RABGAP1L: variants seen among roughly 807,000 people sequenced by gnomAD.
RABGAP1L encodes rab GTPase-activating protein 1-like.
RABGAP1L carries 63 observed loss-of-function variants against 137.7 expected under a neutral mutation model. That is an observed-to-expected ratio of 0.46 (90% confidence interval 0.37 to 0.56). The LOEUF (loss-of-function observed/expected upper bound fraction) is 0.56, where lower values mean the gene tolerates loss of function less well. Ranked by LOEUF, RABGAP1L falls within the 20% of genes least tolerant of loss-of-function variation. The pLI, the probability that RABGAP1L is intolerant of heterozygous loss-of-function variation, is 0.00. For synonymous variants in RABGAP1L, 431 were observed against 433.7 expected (o/e 0.99, Z 0.08); for missense variants, 1,095 against 1,244.0 (o/e 0.88, Z 1.80).
At chr1:174,434,764 T>C (rs1653061628) in intron 13 of RABGAP1L, among the ~76,000 whole-genome samples, 1 of 152,192 alleles carries the variant, frequency 6.6e-6, no homozygotes, top group Non-Finnish European at 1.5e-5. Flanking sequence ...ATTTTCTTAA[T>C]GGTTATTTGT....
chr1:174,485,014 T>G (rs1040425409), intron 13 of RABGAP1L, among the ~76,000 whole-genome samples: 5 of 152,230 alleles, frequency 3.3e-5, no homozygotes, highest in Non-Finnish European at 7.3e-5. Flanking sequence ...TGTGTGTGTG[T>G]GTGCTCTTTA....
At chr1:174,458,457 C>T (rs895949923) in intron 13 of RABGAP1L, among the ~76,000 whole-genome samples, 3 of 151,872 alleles carry the variant, frequency 2.0e-5, no homozygotes, top group South Asian at 4.2e-4. Context: ...GGATCTCATA[C>T]GAAGGAGTGA....
intron 12 of RABGAP1L, among the ~76,000 whole-genome samples, chr1:174,378,996 T>C (rs1442846011): frequency 7.6e-6 from 1 of 132,072 alleles, no homozygotes; most frequent in East Asian, 2.0e-4. Context: ...GTTTCAGCTT[T>C]CTACATATGG....
intron 14 of RABGAP1L, among the ~76,000 whole-genome samples, chr1:174,669,225 T>C (rs1029118067): frequency 6.6e-6 from 1 of 152,058 alleles, no homozygotes; most frequent in Non-Finnish European, 1.5e-5. Context: ...CAAACACTTA[T>C]AAAACTATCA....
At chr1:174,768,415 G>C (rs1477983009) in intron 18 of RABGAP1L, among the ~76,000 whole-genome samples, 1 of 152,222 alleles carries the variant, frequency 6.6e-6, no homozygotes, top group East Asian at 1.9e-4. Flanking sequence ...AGGATTTTGC[G>C]AGTAGGCTCA....
intron 13 of RABGAP1L, among the ~76,000 whole-genome samples, chr1:174,582,926 A>C (rs565267026): frequency 6.6e-6 from 1 of 152,316 alleles, no homozygotes; most frequent in African/African-American, 2.4e-5. Flanking sequence ...TTAACCAAAA[A>C]TAGCAATGCA....
At chr1:174,314,508 C>T (rs556671948) in intron 11 of RABGAP1L, among the ~76,000 whole-genome samples, 1 of 152,036 alleles carries the variant, frequency 6.6e-6, no homozygotes, top group Non-Finnish European at 1.5e-5. Context: ...TATTTGTTCT[C>T]TGATCTTTAT....
intron 1 of RABGAP1L, among the ~76,000 whole-genome samples, chr1:174,190,498 A>T (rs1356506671): frequency 6.6e-6 from 1 of 152,180 alleles, no homozygotes; most frequent in East Asian, 1.9e-4. Flanking sequence ...CTAGTTTCAT[A>T]CTTTTCTTCT....
At chr1:174,217,839 C>T (rs1669454580) in intron 1 of RABGAP1L, among the ~76,000 whole-genome samples, 1 of 152,070 alleles carries the variant, frequency 6.6e-6, no homozygotes, top group African/African-American at 2.4e-5. Flanking sequence ...AAAAGATACA[C>T]ATGTAACTTG....
At chr1:174,750,874 G>A in intron 17 of RABGAP1L, among the ~76,000 whole-genome samples, 1 of 152,188 alleles carries the variant, frequency 6.6e-6, no homozygotes, top group East Asian at 1.9e-4. Flanking sequence ...CAGGGCAGTA[G>A]GTCTTTTTTA....
intron 13 of RABGAP1L, among the ~76,000 whole-genome samples, chr1:174,412,522 T>C (rs1375671846): frequency 6.6e-6 from 1 of 152,134 alleles, no homozygotes. Flanking sequence ...TTGGTTGCTT[T>C]GTAGTTTCTA....
chr1:174,568,428 GAC>G (rs1230673065), intron 13 of RABGAP1L, among the ~76,000 whole-genome samples: 2 of 152,168 alleles, frequency 1.3e-5, no homozygotes, highest in African/African-American at 4.8e-5. Context: ...AAATGAGTAA[GAC>G]ACTTGGCATG....
intron 13 of RABGAP1L, among the ~76,000 whole-genome samples, chr1:174,629,311 A>G (rs1008807105): frequency 1.3e-5 from 2 of 152,184 alleles, no homozygotes; most frequent in Admixed American, 6.5e-5. Context: ...TCAGTACACA[A>G]TTTCATTCCT....
chr1:174,632,003 T>A (rs1303204973), intron 13 of RABGAP1L, among the ~76,000 whole-genome samples: 2 of 106,868 alleles, frequency 1.9e-5, no homozygotes, highest in Non-Finnish European at 3.8e-5. Flanking sequence ...GGTCTTTACA[T>A]TTTGGCATGA....
intron 13 of RABGAP1L, among the ~76,000 whole-genome samples, chr1:174,532,327 G>GCCT (rs1049113860): frequency 6.6e-6 from 1 of 151,794 alleles, no homozygotes; most frequent in Non-Finnish European, 1.5e-5. Context: ...TCCTGCCTCA[G>GCCT]CCTCCTGAGT....
At chr1:174,180,791 A>G (rs950062889) in intron 1 of RABGAP1L, among the ~76,000 whole-genome samples, 2 of 152,168 alleles carry the variant, frequency 1.3e-5, no homozygotes, top group African/African-American at 4.8e-5. Context: ...TTTTGTGAAA[A>G]TAGTACCTGG....
chr1:174,416,019 C>CATACATATATATATATAT (rs1192968896), intron 13 of RABGAP1L, among the ~76,000 whole-genome samples: 4 of 129,094 alleles, frequency 3.1e-5, no homozygotes, highest in African/African-American at 1.5e-4. Flanking sequence ...AGAAAATTTA[C>CATACATATATATATATAT]ATATATATAT....
At chr1:174,293,361 A>G (rs891002521) in intron 10 of RABGAP1L, among the ~76,000 whole-genome samples, 5 of 152,166 alleles carry the variant, frequency 3.3e-5, no homozygotes, top group Admixed American at 3.3e-4. Context: ...ATCCTGATCC[A>G]TGAAGAGCAC....
intron 13 of RABGAP1L, among the ~76,000 whole-genome samples, chr1:174,404,147 T>C (rs1276923370): frequency 6.6e-6 from 1 of 152,158 alleles, no homozygotes; most frequent in Non-Finnish European, 1.5e-5. Flanking sequence ...GATAGATAAC[T>C]TTATTATGAT....
Sources: gnomAD v4.1 joint callset for allele counts (sites outside exome capture counted in the v4.1 genomes callset) on GRCh38, gnomAD v4.1.1 for gene constraint, MANE v1.5 for transcripts, NCBI Gene and HGNC (gene_info 2026-07-23, HGNC 2026-07-21) for gene names.